The following KDM1B variants were observed in gnomAD, a reference collection of about 807,000 sequenced individuals.
The protein encoded by KDM1B is lysine demethylase 1B.
In KDM1B, 63 loss-of-function variants were observed where a neutral mutation model predicts 107.4. That is an observed-to-expected ratio of 0.59 (90% CI 0.48 to 0.72). The LOEUF (loss-of-function observed/expected upper bound fraction) is 0.72. Among genes scored for constraint, KDM1B ranks in the 30% least tolerant of loss-of-function variants. The pLI, the probability that KDM1B is intolerant of heterozygous loss-of-function variation, is 0.00. For synonymous variants in KDM1B, 363 were observed against 363.9 expected (o/e 1.00, Z 0.03); for missense variants, 749 against 1,020.8 (o/e 0.73, Z 3.63).
At chr6:18,198,061 G>A (rs1299733949) in intron 12 of KDM1B, among the ~76,000 whole-genome samples, 6 of 151,560 alleles carry the variant, frequency 4.0e-5, no homozygotes, top group African/African-American at 1.2e-4. Context: ...CATGCCCAGC[G>A]AATTTTTGTA....
chr6:18,178,520 G>A (rs1487275882), intron 7 of KDM1B, among the ~76,000 whole-genome samples: 1 of 152,062 alleles, frequency 6.6e-6, no homozygotes, highest in Non-Finnish European at 1.5e-5. Context: ...AGCCTCCCGA[G>A]TAGCAGGGAC....
chr6:18,157,808 C>CTTTTTTTTTTTTTTTTTTTTTTTTTTTTT (rs67631382), intron 2 of KDM1B, among the ~76,000 whole-genome samples: 4 of 115,634 alleles, frequency 3.5e-5, no homozygotes, highest in Admixed American at 9.6e-5. Context: ...GTAGATAGTC[C>CTTTTTTTTTTTTTTTTTTTTTTTTTTTTT]TTTTTTTTTT....
chr6:18,219,689 C>T (rs1789527864), intron 21 of KDM1B, among the ~76,000 whole-genome samples: 1 of 152,170 alleles, frequency 6.6e-6, no homozygotes, highest in Admixed American at 6.5e-5. Flanking sequence ...ATGTCCAAAT[C>T]CCCGATCCAT....
chr6:18,178,241 C>A (rs1271411692), intron 7 of KDM1B, among the ~76,000 whole-genome samples: 1 of 147,172 alleles, frequency 6.8e-6, no homozygotes, highest in Non-Finnish European at 1.5e-5. Context: ...CACCACCACG[C>A]CCAGCTAATT....
intron 21 of KDM1B, 138 bp downstream of exon 21, chr6:18,218,023 AC>A: frequency 3.5e-6 from 3 of 863,340 alleles, no homozygotes; most frequent in Non-Finnish European, 5.3e-6. Context: ...AAGCCTTCTC[AC>A]CATCCTCTTG....
At chr6:18,165,128 AT>A (rs35906579) in intron 5 of KDM1B, among the ~76,000 whole-genome samples, 1,614 of 81,390 alleles carry the variant, frequency 0.02, 6 homozygotes, top group South Asian at 0.039. Context: ...GCCTTCTCTG[AT>A]TTTTTTTTTT....
chr6:18,173,759 T>G (rs1245560842), intron 7 of KDM1B, among the ~76,000 whole-genome samples: 1 of 152,148 alleles, frequency 6.6e-6, no homozygotes, highest in Admixed American at 6.6e-5. Context: ...ATTTTTCACT[T>G]TGTATTATCT....
At chr6:18,187,697 A>G in intron 8 of KDM1B, 95 bp from the exon 9 acceptor site, 1 of 797,772 alleles carries the variant, frequency 1.3e-6, no homozygotes. Flanking sequence ...GGTTAAGGAC[A>G]AGTGAAACGA....
rs1247928993 is a variant in KDM1B at position 18,205,342 on chromosome 6, TA to T, written c.1532-186del. 6.6e-6 allele frequency among the ~76,000 whole-genome samples: 1 copy of T among 151,130 alleles called. No individual in the cohort carries two copies. The highest frequency in any genetic ancestry group is 1.5e-5 in the Non-Finnish European group (1 of 67,782). On this transcript the variant is annotated intron_variant, in intron 14 of 21. Transcript: ENST00000650836. The surrounding 1 kb of genome is among the most constrained non-coding windows in gnomAD (Gnocchi z 5.7). ...ACTTAAAGTATAATAATAATAAAAT[TA>T]AAAAAAAAGATAAACTTTCTCTTCC... is the stretch of plus-strand genomic sequence containing the variant.
chr6:18,180,000 A>G (rs1360646477), intron 7 of KDM1B, among the ~76,000 whole-genome samples: 1 of 149,248 alleles, frequency 6.7e-6, no homozygotes, highest in East Asian at 2.0e-4. Context: ...AGTAGCTGGG[A>G]CTACAGGTGT....
At position 18,209,503 on chromosome 6, in the gene KDM1B, G is replaced by A. The variant is rs993041492; in HGVS notation, c.1866+1297G>A. Among the ~76,000 whole-genome samples the A allele has an allele frequency of 5.3e-5, 8 of 152,162 alleles. No individual in the cohort carries two copies. The highest frequency in any genetic ancestry group is 1.2e-4 in the Non-Finnish European group (8 of 68,032). Reference sequence around the variant, plus strand: ...GCCATTAACCAACTCGGAGATCTTGGGCAGCAATCCCCGGGCTGCACGTCG... The same window carrying A: ...GCCATTAACCAACTCGGAGATCTTGAGCAGCAATCCCCGGGCTGCACGTCG... On this transcript the variant is annotated intron_variant, in intron 17 of 21. Coordinates refer to ENST00000650836, the MANE Select transcript of KDM1B (RefSeq NM_001364614.2). The surrounding 1 kb of genome is among the most constrained non-coding windows in gnomAD (Gnocchi z 4.3).
At chr6:18,193,418 C>T (rs1490120634) in intron 10 of KDM1B, among the ~76,000 whole-genome samples, 1 of 150,212 alleles carries the variant, frequency 6.7e-6, no homozygotes, top group Admixed American at 6.7e-5. Flanking sequence ...GTGATTCTCC[C>T]ATCTTAGTCT....
intron 21 of KDM1B, among the ~76,000 whole-genome samples, chr6:18,218,755 G>A (rs547279077): frequency 5.5e-4 from 83 of 152,066 alleles, no homozygotes; most frequent in African/African-American, 1.8e-3. Flanking sequence ...GTCTGAGCTG[G>A]CCAGCTAGCT....
intron 7 of KDM1B, among the ~76,000 whole-genome samples, chr6:18,178,530 C>T (rs1786201472): frequency 6.6e-6 from 1 of 152,028 alleles, no homozygotes; most frequent in Non-Finnish European, 1.5e-5. Flanking sequence ...GTAGCAGGGA[C>T]TACAGGCACA....
At position 18,200,384 on chromosome 6, in the gene KDM1B, T is replaced by C. The variant is rs551834245; in HGVS notation, c.1222-55T>C. The C allele has an allele frequency of 5.2e-5, 79 of 1,529,232 alleles. No individual in the cohort carries two copies. The African/African-American group carries it at 1.1e-3, about 21-fold the overall frequency. The allele number at this position is 1,529,232 out of a possible 1,614,324, so 94.7% of individuals were successfully genotyped here. On this transcript the variant is annotated intron_variant, in intron 12 of 21. Coordinates refer to ENST00000650836, the MANE Select transcript of KDM1B (RefSeq NM_001364614.2). The surrounding 1 kb of genome is among the most constrained non-coding windows in gnomAD (Gnocchi z 4.3). ...GTCCTTCTACATTTTTATAATACTG[T>C]GTCTGATATAACTCTTGTGTCCTAT...
chr6:18,217,638 A>G (rs953714920), intron 20 of KDM1B, 95 bp from the exon 21 acceptor site: 100 of 1,003,414 alleles, frequency 1.0e-4, no homozygotes, highest in Non-Finnish European at 4.5e-5. Context: ...TAGCCTCCCA[A>G]AGTGCTGGGA....
At chr6:18,169,515 C>T (rs182789194) in intron 6 of KDM1B, among the ~76,000 whole-genome samples, 5 of 152,260 alleles carry the variant, frequency 3.3e-5, no homozygotes, top group African/African-American at 7.2e-5. Context: ...CGTGAGCCAC[C>T]GTGCCTGGCC....
intron 10 of KDM1B, among the ~76,000 whole-genome samples, chr6:18,193,298 C>CTTTTTTT (rs61133563): frequency 3.4e-4 from 31 of 90,066 alleles, no homozygotes; most frequent in South Asian, 8.8e-4. Flanking sequence ...TGTGTGCTTT[C>CTTTTTTT]TTTTTTTTTT....
chr6:18,185,072 A>G (rs1319310730), intron 7 of KDM1B, among the ~76,000 whole-genome samples: 2 of 151,930 alleles, frequency 1.3e-5, no homozygotes, highest in Non-Finnish European at 2.9e-5. Flanking sequence ...TCCTTTGAAC[A>G]TTTTGTAATA....
Sources: gnomAD v4.1 joint callset for allele counts (sites outside exome capture counted in the v4.1 genomes callset) on GRCh38, gnomAD v4.1.1 for gene constraint, Gnocchi (gnomAD v3.1) non-coding constraint, MANE v1.5 for transcripts, NCBI Gene and HGNC (gene_info 2026-07-23, HGNC 2026-07-21) for gene names.